NQO2: variants seen among roughly 807,000 people sequenced by gnomAD.
The protein encoded by NQO2 is ribosyldihydronicotinamide dehydrogenase [quinone].
In NQO2, 18 loss-of-function variants were observed where a neutral mutation model predicts 22.0. That is an observed-to-expected ratio of 0.82 (90% CI 0.56 to 1.21). NQO2 has a LOEUF of 1.21. Among genes scored for constraint, NQO2 ranks in the 50% most tolerant of loss-of-function variants. The pLI is 0.00. For synonymous variants in NQO2, 106 were observed against 110.8 expected, an observed-to-expected ratio of 0.96 and a Z score of 0.28; for missense variants, 267 against 286.9, an observed-to-expected ratio of 0.93 and a Z score of 0.50.
intron 3 of NQO2, among the ~76,000 whole-genome samples, chr6:3,011,285 CAG>C (rs1234322985): frequency 2.3e-4 from 35 of 152,062 alleles, no homozygotes; most frequent in Admixed American, 2.2e-3. Context: ...AAAAATCAAA[CAG>C]AAATCTTGGA....
rs536138112 is a variant in NQO2, at chr6:3,003,861, T to A, written c.-85-2607T>A. 810 of 356,126 alleles carry A rather than the reference T, an allele frequency of 2.3e-3. 17 individuals are homozygous for A. Among genetic ancestry groups the A allele is most frequent in the African/African-American group, 0.019 (765 of 41,154 alleles). 22.1% of individuals were successfully genotyped at this position (356,126 alleles called of 1,614,324 possible). On this transcript the variant is annotated intron_variant, in intron 1 of 6. Transcript: ENST00000380455. ...TGCATGGCCCTCGCTACAGACTCAG[T>A]GCCATTGTAGATGTTTCTGCATGGA...
At chr6:3,013,218 G>C (rs955547128) in intron 4 of NQO2, among the ~76,000 whole-genome samples, 1 of 151,878 alleles carries the variant, frequency 6.6e-6, no homozygotes, top group Non-Finnish European at 1.5e-5. Flanking sequence ...GCCTCCCAAA[G>C]TGCTGGGATT....
At chr6:3,005,752 G>A (rs1390368842) in intron 1 of NQO2, 25 of 985,178 alleles carry the variant, frequency 2.5e-5, no homozygotes, top group Non-Finnish European at 2.9e-5. Flanking sequence ...TTTTTCCAGA[G>A]CCCCATTGTG....
intron 6 of NQO2, among the ~76,000 whole-genome samples, chr6:3,017,479 C>T (rs182502153): frequency 1.3e-5 from 2 of 152,348 alleles, no homozygotes; most frequent in Admixed American, 1.3e-4. Context: ...CCAACCCCCA[C>T]AGGGGCAAGG....
In NQO2 at chr6:3,019,656, C is replaced by T. The variant is rs776729124; in HGVS notation, c.*1C>T. 3 of 1,600,422 alleles carry T rather than the reference C, an allele frequency of 1.9e-6. No individual in the cohort carries two copies. The highest frequency in any genetic ancestry group is 1.1e-5 in the South Asian group (1 of 90,226). ...AGCCCACTGGCACTTCGGGCAATAACTCTGTGGCACGTGGGCATCACGTAA... is the reference window on the plus strand; with the variant it reads ...AGCCCACTGGCACTTCGGGCAATAATTCTGTGGCACGTGGGCATCACGTAA... On this transcript the variant is annotated 3_prime_UTR_variant, in exon 7 of 7. Coordinates refer to ENST00000380455, the MANE Select transcript of NQO2 (RefSeq NM_000904.6).
intron 1 of NQO2, chr6:3,005,504 C>A: frequency 3.9e-6 from 1 of 257,500 alleles, no homozygotes; most frequent in Non-Finnish European, 6.1e-6. Flanking sequence ...TGATGCTAAG[C>A]ATCTTTTCAT....
chr6:3,000,543 C>CTT (rs559414956), intron 1 of NQO2, among the ~76,000 whole-genome samples: 51 of 146,654 alleles, frequency 3.5e-4, no homozygotes, highest in Non-Finnish European at 4.4e-4. Context: ...AAAAAATCAG[C>CTT]TTTTTTTTTT....
In NQO2 at chr6:3,010,089, T is replaced by C; in HGVS notation, c.72T>C (p.Asn24=). The C allele has an allele frequency of 6.2e-7, 1 of 1,614,106 alleles. No homozygotes were observed. Among genetic ancestry groups the C allele is most frequent in the Non-Finnish European group, 8.5e-7 (1 of 1,180,002 alleles). ...AGTCTTTCAACGGATCCTTGAAGAA[T>C]GTGGCTGTAGATGAACTGAGCAGGC... ...EPKSFNGSLK[N]VAVDELSRQG... The change falls in exon 3 of 7, where the codon AAT becomes AAC. Residue 24 remains asparagine (N), a synonymous_variant. Transcript: ENST00000380455.
rs759598929 is a variant in NQO2, at chr6:3,010,054, C to T, written c.37C>T (p.Gln13Ter). Residue 13 changes from glutamine to a stop codon, truncating the protein, a stop_gained, in exon 3 of 7, where the codon CAG becomes TAG. Transcript: ENST00000380455. LOFTEE classifies it high-confidence loss of function. ...GKKVLIVYAHQEPKSFNGSLK... is the reference protein window; with the variant it reads ...GKKVLIVYAH ...GAAAGTACTCATTGTCTATGCACACCAGGAACCCAAGTCTTTCAACGGATC... is the reference window on the plus strand; with the variant it reads ...GAAAGTACTCATTGTCTATGCACACTAGGAACCCAAGTCTTTCAACGGATC... 3.1e-6 allele frequency: 5 copies of T among 1,613,942 alleles called. No homozygotes were observed. In the Admixed American group the frequency reaches 8.3e-5, roughly 27 times the overall value.
At chr6:3,009,870 A>G (rs1250825648) in intron 2 of NQO2, 155 bp from the exon 3 acceptor site, 54 of 944,814 alleles carry the variant, frequency 5.7e-5, no homozygotes, top group Non-Finnish European at 6.6e-5. Context: ...GTCTAAAAAG[A>G]AGAGAGAGAA....
chr6:3,010,260 T>A, intron 3 of NQO2, 71 bp downstream of exon 3: 1 of 1,344,286 alleles, frequency 7.4e-7, no homozygotes, highest in Non-Finnish European at 9.9e-7. Flanking sequence ...AATGTTGACT[T>A]CCAGCTGCAA....
At chr6:3,008,436 A>G (rs901877436) in intron 2 of NQO2, among the ~76,000 whole-genome samples, 11 of 151,504 alleles carry the variant, frequency 7.3e-5, no homozygotes, top group African/African-American at 1.9e-4. Flanking sequence ...AAGAAAAAGA[A>G]AAAAGGAAAG....
Position 3,019,526 on chromosome 6 carries a change from C to T in NQO2, c.567C>T (p.Ile189=). The change falls in exon 7 of 7, where the codon ATC becomes ATT. Residue 189 remains isoleucine, a synonymous_variant. Coordinates refer to ENST00000380455, the MANE Select transcript of NQO2 (RefSeq NM_000904.6). Reference sequence around the variant, plus strand: ...GATTTAAAGTCCTTGCCCCTCAGATCAGCTTTGCTCCTGAAATTGCATCCG... The same window carrying T: ...GATTTAAAGTCCTTGCCCCTCAGATTAGCTTTGCTCCTGAAATTGCATCCG... The part of the protein sequence containing the change: ...FCGFKVLAPQ[I]SFAPEIASEE... 1 of 1,614,180 alleles carries T rather than the reference C, an allele frequency of 6.2e-7. No individual in the cohort carries two copies. Among genetic ancestry groups the T allele is most frequent in the Non-Finnish European group, 8.5e-7 (1 of 1,180,034 alleles).
intron 4 of NQO2, chr6:3,015,205 T>A (rs777511839): frequency 5.9e-6 from 8 of 1,356,962 alleles, no homozygotes; most frequent in Non-Finnish European, 6.8e-6. Context: ...TCCTTTTGAC[T>A]GGCTTGATCA....
intron 2 of NQO2, 59 bp from the exon 3 acceptor site, chr6:3,009,966 A>T: frequency 1.3e-6 from 2 of 1,540,682 alleles, no homozygotes; most frequent in Non-Finnish European, 1.8e-6. Flanking sequence ...CTTAGTCTTC[A>T]TTGAATTTAA....
At chr6:3,017,889 G>T (rs1757392431) in intron 6 of NQO2, among the ~76,000 whole-genome samples, 1 of 152,152 alleles carries the variant, frequency 6.6e-6, no homozygotes, top group South Asian at 2.1e-4. Flanking sequence ...AGGTGCACGT[G>T]CCTTGCCCAT....
intron 1 of NQO2, chr6:3,005,708 G>C (rs913534135): frequency 9.1e-6 from 9 of 985,220 alleles, no homozygotes; most frequent in Non-Finnish European, 1.1e-5. Flanking sequence ...CCAGGAGGGG[G>C]TGAGGCCAAA....
intron 6 of NQO2, among the ~76,000 whole-genome samples, chr6:3,018,410 C>A (rs1178058973): frequency 6.6e-6 from 1 of 152,212 alleles, no homozygotes; most frequent in Non-Finnish European, 1.5e-5. Context: ...GAGGCTGAGG[C>A]AGCAGAATCG....
chr6:3,009,103 A>G (rs1439012556), intron 2 of NQO2, among the ~76,000 whole-genome samples: 2 of 152,168 alleles, frequency 1.3e-5, no homozygotes, highest in Admixed American at 6.5e-5. Context: ...TAAGCCTGGG[A>G]GCGCTACGGG....
Sources: gnomAD v4.1 joint callset for allele counts (sites outside exome capture counted in the v4.1 genomes callset) on GRCh38, gnomAD v4.1.1 for gene constraint, MANE v1.5 for transcripts, NCBI Gene and HGNC (gene_info 2026-07-23, HGNC 2026-07-21) for gene names.